The following POT1 variants were observed in gnomAD, a reference collection of about 807,000 sequenced individuals.
POT1 encodes the protein protection of telomeres 1.
In POT1, 47 loss-of-function variants were observed where a neutral mutation model predicts 78.5. That is an observed-to-expected ratio of 0.60 (90% confidence interval 0.47 to 0.76). POT1 has a LOEUF of 0.76. POT1 is among the 30% of genes least tolerant of loss of function. POT1 has a pLI of 0.00. For synonymous variants in POT1, 259 were observed against 260.7 expected (o/e 0.99, Z 0.06); for missense variants, 646 against 749.9 (o/e 0.86, Z 1.62).
intron 8 of POT1, 79 bp from the exon 9 acceptor site, chr7:124,859,191 A>G: frequency 1.8e-6 from 2 of 1,096,328 alleles, no homozygotes; most frequent in Non-Finnish European, 1.3e-6. Flanking sequence ...TGGAAACAGT[A>G]TTTAAAAGTA....
At position 124,844,046 on chromosome 7, in the gene POT1, C is replaced by T. The variant is rs565700436; in HGVS notation, c.1007-1083G>A. 1.6e-4 allele frequency among the ~76,000 whole-genome samples: 24 copies of T among 151,912 alleles called. No homozygotes were observed. The South Asian group carries it at 4.8e-3, about 30-fold the overall frequency. On this transcript the variant is annotated intron_variant, in intron 12 of 18. Transcript: ENST00000357628. ...TTCATCATTTATTATTTCTCACTTG[C>T]CTTTATCAGAGTGGAACATTTATTA... is the stretch of plus-strand genomic sequence containing the variant.
In POT1 at chr7:124,835,419, TAAGAG is replaced by T; in HGVS notation, c.1370-10_1370-6del. 6.2e-7 allele frequency: 1 copy of T among 1,609,486 alleles called. No homozygotes were observed. Among genetic ancestry groups the T allele is most frequent in the East Asian group, 2.2e-5 (1 of 44,808 alleles). On this transcript the variant is annotated splice_region_variant and splice_polypyrimidine_tract_variant and intron_variant, in intron 14 of 18. Transcript: ENST00000357628. Reference sequence around the variant, plus strand: ...AAATTTCACTGAGTGTACCTCCTGTTAAGAGAATAAATAAATCCTTCAAGTAGTGC... The same window carrying T: ...AAATTTCACTGAGTGTACCTCCTGTTAATAAATAAATCCTTCAAGTAGTGC...
At position 124,823,872 on chromosome 7, in the gene POT1, A is replaced by C; in HGVS notation, c.*90T>G. ...CCATACCCATGCTAACATCATCAAC[A>C]TTGCTGATACAAAACTCAGGTCAGG... On this transcript the variant is annotated 3_prime_UTR_variant, in exon 19 of 19. Coordinates refer to ENST00000357628, the MANE Select transcript of POT1 (RefSeq NM_015450.3). 1 of 800,170 alleles carries C rather than the reference A, an allele frequency of 1.2e-6. No homozygotes were observed. Among genetic ancestry groups the C allele is most frequent in the Non-Finnish European group, 2.1e-6 (1 of 467,188 alleles). 49.6% of individuals were successfully genotyped at this position (800,170 alleles called of 1,614,324 possible).
intron 3 of POT1, among the ~76,000 whole-genome samples, chr7:124,912,637 T>C (rs1327761430): frequency 6.6e-6 from 1 of 152,162 alleles, no homozygotes; most frequent in East Asian, 1.9e-4. Flanking sequence ...ACAACTTTGT[T>C]TGGCTCATCG....
chr7:124,928,638 T>C (rs909140836), intron 2 of POT1, among the ~76,000 whole-genome samples, 177 bp downstream of exon 2: 2 of 152,224 alleles, frequency 1.3e-5, no homozygotes, highest in African/African-American at 4.8e-5. Flanking sequence ...ACACACGAAT[T>C]TGATAATTGT....
chr7:124,898,721 T>C (rs1439619550), intron 3 of POT1, among the ~76,000 whole-genome samples: 1 of 152,008 alleles, frequency 6.6e-6, no homozygotes, highest in Admixed American at 6.6e-5. Context: ...ATCTCAAAGT[T>C]GAGAAACTAC....
At chr7:124,857,803 G>A (rs185392387) in intron 9 of POT1, among the ~76,000 whole-genome samples, 4 of 152,110 alleles carry the variant, frequency 2.6e-5, no homozygotes, top group Non-Finnish European at 2.9e-5. Context: ...ACAAGAGCTC[G>A]GGTGCCACAA....
intron 16 of POT1, among the ~76,000 whole-genome samples, chr7:124,827,775 G>A (rs1354248866): frequency 3.3e-5 from 5 of 152,098 alleles, no homozygotes; most frequent in Non-Finnish European, 5.9e-5. Flanking sequence ...TGTATTCTCA[G>A]CACTTTGGGA....
chr7:124,852,284 TA>T (rs1368505731), intron 10 of POT1, among the ~76,000 whole-genome samples: 3 of 152,144 alleles, frequency 2.0e-5, no homozygotes, highest in Non-Finnish European at 4.4e-5. Context: ...GAAATTGATA[TA>T]AAAGTAATAA....
Position 124,871,010 on chromosome 7 carries a change from C to A in POT1, c.156G>T (p.Gln52His). 1 of 1,609,044 alleles carries A rather than the reference C, an allele frequency of 6.2e-7. No homozygotes were observed. The highest frequency in any genetic ancestry group is 1.1e-5 in the South Asian group (1 of 90,480). ...DYCSVVTIVD[Q>H]TNVKLTCLLF... ...GCAGGCAAGTTAGTTTTACATTTGT[C>A]TGGTCCACAATAGTTACAACTGAGC... Residue 52 changes from glutamine (Q) to histidine (H), a missense_variant, in exon 7 of 19, where the codon CAG (glutamine) becomes CAT (histidine). Physicochemically the swap from Gln to His is conservative, Grantham distance 24. Coordinates refer to ENST00000357628, the MANE Select transcript of POT1 (RefSeq NM_015450.3).
chr7:124,917,978 C>T (rs1797059257), intron 2 of POT1, among the ~76,000 whole-genome samples: 1 of 152,070 alleles, frequency 6.6e-6, no homozygotes, highest in African/African-American at 2.4e-5. Context: ...CTCCAGGAAC[C>T]TCCTTTCCCA....
At chr7:124,877,313 A>G (rs780421500) in intron 6 of POT1, among the ~76,000 whole-genome samples, 1 of 152,204 alleles carries the variant, frequency 6.6e-6, no homozygotes, top group Non-Finnish European at 1.5e-5. Context: ...ATAAAGACAG[A>G]TGAAGAACAT....
chr7:124,905,379 G>A (rs1796738896), intron 3 of POT1, among the ~76,000 whole-genome samples: 1 of 152,186 alleles, frequency 6.6e-6, no homozygotes. Flanking sequence ...AAGAAATGGA[G>A]AAAGGATTCC....
intron 7 of POT1, among the ~76,000 whole-genome samples, chr7:124,865,646 T>G (rs1795701630): frequency 6.6e-6 from 1 of 151,902 alleles, no homozygotes; most frequent in South Asian, 2.1e-4. Context: ...AACATCTTCC[T>G]CTAATTCACT....
chr7:124,861,490 C>T (rs1312007588), intron 8 of POT1, among the ~76,000 whole-genome samples: 1 of 152,068 alleles, frequency 6.6e-6, no homozygotes, highest in Non-Finnish European at 1.5e-5. Flanking sequence ...CTTGTAGATT[C>T]TGGATATTAG....
Position 124,823,870 on chromosome 7 carries a change from A to C in POT1, c.*92T>G. The stretch of plus-strand genomic sequence containing the variant: ...TCCCATACCCATGCTAACATCATCA[A>C]CATTGCTGATACAAAACTCAGGTCA... On this transcript the variant is annotated 3_prime_UTR_variant, in exon 19 of 19. Transcript: ENST00000357628. The C allele has an allele frequency of 1.3e-6, 1 of 793,410 alleles. No homozygotes were observed. Among genetic ancestry groups the C allele is most frequent in the East Asian group, 2.7e-5 (1 of 37,470 alleles). The allele number at this position is 793,410 out of a possible 1,614,324, so 49.1% of individuals were successfully genotyped here.
At chr7:124,859,573 A>G (rs1795534123) in intron 8 of POT1, among the ~76,000 whole-genome samples, 2 of 152,090 alleles carry the variant, frequency 1.3e-5, no homozygotes, top group Admixed American at 6.5e-5. Flanking sequence ...GTTTCCATAC[A>G]AAGAAGTAAA....
At position 124,871,007 on chromosome 7, in the gene POT1, T is replaced by A; in HGVS notation, c.159A>T (p.Thr53=). The A allele has an allele frequency of 6.2e-7, 1 of 1,609,836 alleles. No homozygotes were observed. Among genetic ancestry groups the A allele is most frequent in the Non-Finnish European group, 8.5e-7 (1 of 1,177,392 alleles). Residue 53 remains threonine (T), a synonymous_variant, in exon 7 of 19, where the codon ACA becomes ACT. Transcript: ENST00000357628. ...AGAGCAGGCAAGTTAGTTTTACATT[T>A]GTCTGGTCCACAATAGTTACAACTG... ...YCSVVTIVDQ[T]NVKLTCLLFS...
chr7:124,831,457 A>T (rs1471766242), intron 15 of POT1, among the ~76,000 whole-genome samples: 6 of 152,144 alleles, frequency 3.9e-5, no homozygotes, highest in Non-Finnish European at 5.9e-5. Flanking sequence ...AACAACACTG[A>T]CCCTTACTGT....
Sources: allele counts gnomAD v4.1 joint callset (sites outside exome capture counted in the v4.1 genomes callset), GRCh38; gene constraint gnomAD v4.1.1; transcripts MANE v1.5; gene names NCBI Gene and HGNC (gene_info 2026-07-23, HGNC 2026-07-21).